Variants in KPNA3 observed in about 807,000 individuals in gnomAD.
KPNA3 encodes importin subunit alpha-4.
A neutral mutation model predicts 73.8 loss-of-function variants in KPNA3; 13 were observed. The ratio of observed to expected loss-of-function variants is 0.18; its 90% CI spans 0.11 to 0.28. The LOEUF (loss-of-function observed/expected upper bound fraction) is 0.28. Among genes scored for constraint, KPNA3 ranks in the 10% least tolerant of loss-of-function variants. The probability of loss-of-function intolerance (pLI) is 1.00; values close to 1 mark genes in which losing one functional copy is unlikely to be tolerated. For synonymous variants in KPNA3, 186 were observed against 206.9 expected, an observed-to-expected ratio of 0.90 and a Z score of 0.87; for missense variants, 360 against 618.1, an observed-to-expected ratio of 0.58 and a Z score of 4.43.
Position 49,721,963 on chromosome 13 carries a change from C to G in KPNA3, c.718G>C (p.Val240Leu). The G allele has an allele frequency of 1.3e-6, 2 of 1,574,104 alleles. No homozygotes were observed. Among genetic ancestry groups the G allele is most frequent in the Non-Finnish European group, 1.7e-6 (2 of 1,161,218 alleles). Residue 240 changes from valine (V) to leucine (L), a missense_variant, in exon 9 of 17, where the codon GTT becomes CTT. This residue lies in a region of KPNA3 where 287 missense variants were observed against 549.1 expected (regional missense o/e 0.52). Transcript: ENST00000261667. Reference sequence around the variant, plus strand: ...TACAATTCTTCATTTACCTCCTGAACTGTCTCCATAGGCGGCGGGGGATCC... The same window carrying G: ...TACAATTCTTCATTTACCTCCTGAAGTGTCTCCATAGGCGGCGGGGGATCC... ...NKDPPPPMETVQEILPALCVL... is the reference protein window; with the variant it reads ...NKDPPPPMETLQEILPALCVL...
At chr13:49,734,114 C>G (rs367701355) in intron 2 of KPNA3, among the ~76,000 whole-genome samples, 2 of 152,250 alleles carry the variant, frequency 1.3e-5, no homozygotes, top group African/African-American at 2.4e-5. Context: ...TTCTAAAATT[C>G]CTGGTATTTT....
intron 2 of KPNA3, among the ~76,000 whole-genome samples, chr13:49,738,576 T>A (rs1461462698): frequency 6.6e-6 from 1 of 152,224 alleles, no homozygotes; most frequent in African/African-American, 2.4e-5. Flanking sequence ...TACATGTTTG[T>A]TAATATATAC....
At chr13:49,746,361 A>C (rs1201535527) in intron 2 of KPNA3, among the ~76,000 whole-genome samples, 3 of 152,026 alleles carry the variant, frequency 2.0e-5, no homozygotes, top group African/African-American at 7.2e-5. Context: ...GCCTGCATTC[A>C]TAGCTACTCA....
intron 1 of KPNA3, among the ~76,000 whole-genome samples, chr13:49,753,067 AG>A (rs1274619920): frequency 1.3e-4 from 20 of 150,702 alleles, no homozygotes; most frequent in Non-Finnish European, 2.5e-4. Context: ...AATTATCAGA[AG>A]GAAGTGACAA....
chr13:49,782,581 T>C (rs146993803), intron 1 of KPNA3, among the ~76,000 whole-genome samples: 3 of 152,218 alleles, frequency 2.0e-5, no homozygotes, highest in East Asian at 3.9e-4. Flanking sequence ...ACATAGCATG[T>C]AGAAAATACT....
intron 1 of KPNA3, among the ~76,000 whole-genome samples, chr13:49,767,955 A>G (rs1019315167): frequency 2.0e-5 from 3 of 152,186 alleles, no homozygotes; most frequent in Admixed American, 6.5e-5. Flanking sequence ...CAAAATGTAC[A>G]TATCACTATT....
chr13:49,771,142 G>A (rs2137593980), intron 1 of KPNA3, among the ~76,000 whole-genome samples: 1 of 148,984 alleles, frequency 6.7e-6, no homozygotes, highest in East Asian at 2.0e-4. Context: ...AAAAGAAGAG[G>A]AAGAGAAAAA....
Position 49,762,492 on chromosome 13 carries a change from TAGG to T in KPNA3, c.70-15502_70-15500del, listed in dbSNP as rs1954775561. On this transcript the variant is annotated intron_variant, in intron 1 of 16. Coordinates refer to ENST00000261667, the MANE Select transcript of KPNA3 (RefSeq NM_002267.4). ...GTGTCTGTGTAGAAAGAAGTAGACA[TAGG>T]AGACTCCATTTTTGTTCTGTACTAA... 2.6e-5 allele frequency among the ~76,000 whole-genome samples: 4 copies of T among 152,284 alleles called. No individual in the cohort carries two copies. In the South Asian group the frequency reaches 8.3e-4, roughly 32 times the overall value.
chr13:49,787,812 T>C (rs921905606), intron 1 of KPNA3, among the ~76,000 whole-genome samples: 1 of 152,112 alleles, frequency 6.6e-6, no homozygotes, highest in Non-Finnish European at 1.5e-5. Flanking sequence ...CCCGTGTAGC[T>C]GGGACTACAG....
chr13:49,778,003 T>C (rs367866037), intron 1 of KPNA3, among the ~76,000 whole-genome samples: 1 of 152,230 alleles, frequency 6.6e-6, no homozygotes, highest in African/African-American at 2.4e-5. Flanking sequence ...TTAACCCATA[T>C]TGTGGTTTAT....
chr13:49,724,469 A>G (rs1186046457), intron 7 of KPNA3, among the ~76,000 whole-genome samples: 2 of 151,818 alleles, frequency 1.3e-5, no homozygotes, highest in South Asian at 2.1e-4. Context: ...ATGCCCGGCT[A>G]ATTTTGTTTT....
intron 1 of KPNA3, among the ~76,000 whole-genome samples, chr13:49,774,115 G>C (rs1266807827): frequency 6.6e-6 from 1 of 151,642 alleles, no homozygotes; most frequent in East Asian, 1.9e-4. Flanking sequence ...ATATTGCCCA[G>C]GCTAGTCTCA....
chr13:49,742,943 A>G (rs761312524), intron 2 of KPNA3, among the ~76,000 whole-genome samples: 2 of 152,164 alleles, frequency 1.3e-5, no homozygotes, highest in Non-Finnish European at 2.9e-5. Context: ...AATTAAATTT[A>G]ATTCGTGAAT....
Position 49,706,771 on chromosome 13 carries a change from C to T in KPNA3, c.1033-399G>A, listed in dbSNP as rs562049265. Reference sequence around the variant, plus strand: ...TTTTCTTTTCTTTTTTTTTTTGAGACGGAGTCTTGCTCTGTCGCCCAGGTT... The same window carrying T: ...TTTTCTTTTCTTTTTTTTTTTGAGATGGAGTCTTGCTCTGTCGCCCAGGTT... On this transcript the variant is annotated intron_variant, in intron 12 of 16. Coordinates refer to ENST00000261667, the MANE Select transcript of KPNA3 (RefSeq NM_002267.4). Among the ~76,000 whole-genome samples, 491 of 150,180 alleles carry T rather than the reference C, an allele frequency of 3.3e-3. 5 individuals are homozygous for T. Among genetic ancestry groups the T allele is most frequent in the Middle Eastern group, 6.8e-3 (2 of 294 alleles).
chr13:49,736,003 A>G (rs1382744519), intron 2 of KPNA3, among the ~76,000 whole-genome samples: 1 of 152,204 alleles, frequency 6.6e-6, no homozygotes, highest in Non-Finnish European at 1.5e-5. Flanking sequence ...TTTGATGCCA[A>G]TTCTTTTAAA....
At chr13:49,769,730 T>C (rs998977539) in intron 1 of KPNA3, among the ~76,000 whole-genome samples, 2 of 152,242 alleles carry the variant, frequency 1.3e-5, no homozygotes, top group African/African-American at 4.8e-5. Flanking sequence ...ATGATAATGC[T>C]ATAACAAGCA....
At chr13:49,764,092 C>A (rs1313776873) in intron 1 of KPNA3, among the ~76,000 whole-genome samples, 1 of 144,766 alleles carries the variant, frequency 6.9e-6, no homozygotes, top group Non-Finnish European at 1.5e-5. Context: ...AAAAAAGAGT[C>A]AGTTTGTCAG....
At chr13:49,790,472 T>C (rs572957123) in intron 1 of KPNA3, among the ~76,000 whole-genome samples, 1 of 152,340 alleles carries the variant, frequency 6.6e-6, no homozygotes, top group East Asian at 1.9e-4. Flanking sequence ...TCTCAAAAAA[T>C]ACTTTACTCA....
At chr13:49,724,381 G>A (rs998036372) in intron 7 of KPNA3, among the ~76,000 whole-genome samples, 1 of 151,258 alleles carries the variant, frequency 6.6e-6, no homozygotes, top group Non-Finnish European at 1.5e-5. Flanking sequence ...TCGGCTCACT[G>A]CAAGCTCCGC....
Sources: allele counts gnomAD v4.1 joint callset (sites outside exome capture counted in the v4.1 genomes callset), GRCh38; gene constraint gnomAD v4.1.1; regional missense constraint gnomAD v4.1.1; transcripts MANE v1.5; gene names NCBI Gene and HGNC (gene_info 2026-07-23, HGNC 2026-07-21).